The following CHST9 variants were observed in gnomAD, a reference collection of about 807,000 sequenced individuals.
The protein encoded by CHST9 is carbohydrate sulfotransferase 9, also known as GalNAc-4-sulfotransferase 2.
Under a neutral mutation model 44.4 loss-of-function variants are expected in CHST9, and 41 were observed. The ratio of observed to expected loss-of-function variants is 0.92; its 90% CI spans 0.72 to 1.20. The LOEUF (loss-of-function observed/expected upper bound fraction) is 1.20, where lower values mean the gene tolerates loss of function less well. Among genes scored for constraint, CHST9 ranks in the 50% most tolerant of loss-of-function variants. The pLI is 0.00. For missense variants in CHST9, 504 were observed against 516.5 expected (o/e 0.98, Z 0.23); for synonymous variants, 171 against 178.4 (o/e 0.96, Z 0.33).
intron 4 of CHST9, among the ~76,000 whole-genome samples, chr18:26,990,141 G>T (rs1177200621): frequency 3.3e-5 from 5 of 152,122 alleles, no homozygotes; most frequent in Non-Finnish European, 7.3e-5. Context: ...AAGAAGCCAG[G>T]TGGAAATGAG....
chr18:27,129,361 TTTTA>T (rs1278903510), intron 2 of CHST9, among the ~76,000 whole-genome samples: 1 of 151,168 alleles, frequency 6.6e-6, no homozygotes, highest in African/African-American at 2.5e-5. Context: ...CTTGGTTTAT[TTTTA>T]TTTTTTATTT....
chr18:27,006,750 G>A (rs1180949492), intron 4 of CHST9, among the ~76,000 whole-genome samples: 1 of 152,110 alleles, frequency 6.6e-6, no homozygotes, highest in African/African-American at 2.4e-5. Flanking sequence ...GGTTCAACCT[G>A]TCACATAAAA....
chr18:26,926,992 A>T (rs1429050610), intron 5 of CHST9, among the ~76,000 whole-genome samples: 1 of 152,118 alleles, frequency 6.6e-6, no homozygotes, highest in African/African-American at 2.4e-5. Context: ...AGTTGTCTGA[A>T]ATTAGTATTG....
At chr18:26,951,163 A>G (rs2056242166) in intron 4 of CHST9, among the ~76,000 whole-genome samples, 2 of 152,200 alleles carry the variant, frequency 1.3e-5, no homozygotes, top group Non-Finnish European at 1.5e-5. Flanking sequence ...CATGAGCTTC[A>G]GGAATAAAAT....
chr18:27,074,100 G>C (rs908674129), intron 2 of CHST9, among the ~76,000 whole-genome samples: 26 of 152,220 alleles, frequency 1.7e-4, no homozygotes, highest in African/African-American at 6.0e-4. Context: ...TTTTATCCTA[G>C]CACATTTGAA....
chr18:27,129,043 G>A (rs2058449472), intron 2 of CHST9, among the ~76,000 whole-genome samples: 1 of 152,162 alleles, frequency 6.6e-6, no homozygotes, highest in Non-Finnish European at 1.5e-5. Flanking sequence ...TAAAACCCAG[G>A]CAGAATCATG....
intron 1 of CHST9, among the ~76,000 whole-genome samples, chr18:27,163,965 T>A (rs2143938343): frequency 6.6e-6 from 1 of 152,298 alleles, no homozygotes. Context: ...CCACCCTTGT[T>A]TCACACAAAG....
chr18:27,049,763 C>G (rs1329401958), intron 2 of CHST9, among the ~76,000 whole-genome samples: 1 of 152,048 alleles, frequency 6.6e-6, no homozygotes, highest in Admixed American at 6.6e-5. Context: ...TAAAGCAAGT[C>G]TCAATAAATT....
chr18:27,091,914 T>C (rs1259438479), intron 2 of CHST9, among the ~76,000 whole-genome samples: 2 of 152,200 alleles, frequency 1.3e-5, no homozygotes, highest in African/African-American at 4.8e-5. Flanking sequence ...TCTCTTTTTT[T>C]GTTGTGTCTC....
chr18:26,931,894 T>C (rs2055884414), intron 5 of CHST9, among the ~76,000 whole-genome samples: 1 of 152,194 alleles, frequency 6.6e-6, no homozygotes. Flanking sequence ...TTGCTGGAGG[T>C]GGGATTAAAA....
intron 4 of CHST9, among the ~76,000 whole-genome samples, chr18:27,018,501 C>A (rs2057181365): frequency 6.6e-6 from 1 of 152,096 alleles, no homozygotes; most frequent in South Asian, 2.1e-4. Flanking sequence ...AGAAGGACAG[C>A]CCCAGTGTGT....
intron 2 of CHST9, among the ~76,000 whole-genome samples, chr18:27,128,642 G>A (rs1009147156): frequency 6.6e-6 from 1 of 152,130 alleles, no homozygotes; most frequent in Non-Finnish European, 1.5e-5. Context: ...GGAGAAGATT[G>A]GCCAGTCCAT....
chr18:27,125,753 T>C (rs12969203), intron 2 of CHST9, among the ~76,000 whole-genome samples: 47,906 of 152,076 alleles, frequency 0.32, 8,203 homozygotes, highest in Non-Finnish European at 0.39. Flanking sequence ...CCTGAGAAGA[T>C]AGCCGTCAAT....
At chr18:27,175,279 C>A (rs1315755557) in intron 1 of CHST9, among the ~76,000 whole-genome samples, 1 of 151,210 alleles carries the variant, frequency 6.6e-6, no homozygotes, top group African/African-American at 2.4e-5. Context: ...TTTTTGTTTT[C>A]TTCAATATGG....
rs531993133 is a variant in CHST9 at position 27,080,428 on chromosome 18, G to A, written c.122-31925C>T. On this transcript the variant is annotated intron_variant, in intron 2 of 5. Transcript: ENST00000618847. ...ATGCCCAAGCAGAGACGGTAATTTCGTCACATTGTTTTTGAAAAATAGCTT... is the reference window on the plus strand; with the variant it reads ...ATGCCCAAGCAGAGACGGTAATTTCATCACATTGTTTTTGAAAAATAGCTT... Among the ~76,000 whole-genome samples the A allele has an allele frequency of 9.2e-5, 14 of 151,650 alleles. No homozygotes were observed. The East Asian group carries it at 2.6e-3, about 28-fold the overall frequency.
chr18:27,153,546 CTGTGTGTGTGTGTGTGTGTGTATG>C (rs1207803671), intron 1 of CHST9, among the ~76,000 whole-genome samples: 1 of 138,504 alleles, frequency 7.2e-6, no homozygotes, highest in Non-Finnish European at 1.6e-5. Context: ...CTCTCTCTCT[CTGTGTGTGTGTGTGTGTGTGTATG>C]TGTGTGTGTG....
At chr18:27,006,276 A>C (rs1417664764) in intron 4 of CHST9, among the ~76,000 whole-genome samples, 1 of 152,180 alleles carries the variant, frequency 6.6e-6, no homozygotes, top group Non-Finnish European at 1.5e-5. Context: ...TCAAGTGCCC[A>C]ATGATGAATC....
At chr18:26,965,203 T>C (rs1296941304) in intron 4 of CHST9, among the ~76,000 whole-genome samples, 1 of 152,180 alleles carries the variant, frequency 6.6e-6, no homozygotes. Context: ...GAGTGTCCCC[T>C]GGCTGGTGGG....
At chr18:27,002,049 A>G (rs1262607586) in intron 4 of CHST9, among the ~76,000 whole-genome samples, 1 of 151,974 alleles carries the variant, frequency 6.6e-6, no homozygotes, top group East Asian at 1.9e-4. Flanking sequence ...GACAAAGTAA[A>G]AAAAAAAAGG....
Sources: gnomAD v4.1 joint callset for allele counts (sites outside exome capture counted in the v4.1 genomes callset) on GRCh38, gnomAD v4.1.1 for gene constraint, MANE v1.5 for transcripts, NCBI Gene and HGNC (gene_info 2026-07-23, HGNC 2026-07-21) for gene names.